The following CFAP57 variants were observed in gnomAD, a reference collection of about 807,000 sequenced individuals.
CFAP57 encodes cilia- and flagella-associated protein 57.
In CFAP57, 116 loss-of-function variants were observed where a neutral mutation model predicts 146.8. The observed-to-expected ratio is 0.79, with a 90% confidence interval of 0.68 to 0.92. The LOEUF (loss-of-function observed/expected upper bound fraction) is 0.92. CFAP57 is among the 40% of genes least tolerant of loss of function. The pLI, the probability that CFAP57 is intolerant of heterozygous loss-of-function variation, is 0.00. For missense variants in CFAP57, 1,377 were observed against 1,527.2 expected, an observed-to-expected ratio of 0.90 and a Z score of 1.64; for synonymous variants, 518 against 552.8, an observed-to-expected ratio of 0.94 and a Z score of 0.88.
rs568956203 is a variant in CFAP57 at position 43,238,869 on chromosome 1, G to A, written c.3405+4231G>A. On this transcript the variant is annotated intron_variant, in intron 21 of 22. Coordinates refer to ENST00000372492, the MANE Select transcript of CFAP57 (RefSeq NM_001378189.1). The surrounding 1 kb of genome is among the most constrained non-coding windows in gnomAD (Gnocchi z 4.3). ...GACACCAGCTCTACCACTGAGATAC[G>A]GCCTCAGTTTCCTCACAAGGTTGGT... Among the ~76,000 whole-genome samples, 176 of 152,174 alleles carry A rather than the reference G, an allele frequency of 1.2e-3. No individual in the cohort carries two copies. The highest frequency in any genetic ancestry group is 4.1e-3 in the African/African-American group (170 of 41,506).
intron 3 of CFAP57, 125 bp downstream of exon 3, chr1:43,181,975 C>A: frequency 9.0e-7 from 1 of 1,110,324 alleles, no homozygotes; most frequent in South Asian, 1.3e-5. Flanking sequence ...TTACAACAAC[C>A]GTATAAGGTA....
chr1:43,198,391 A>C lies in CFAP57; in HGVS notation c.1263-90A>C. The C allele has an allele frequency of 4.3e-6, 6 of 1,411,180 alleles. No individual in the cohort carries two copies. In the South Asian group the frequency reaches 7.2e-5, roughly 17 times the overall value. 87.4% of individuals were successfully genotyped at this position (1,411,180 alleles called of 1,614,324 possible). On this transcript the variant is annotated intron_variant, in intron 7 of 22. Coordinates refer to ENST00000372492, the MANE Select transcript of CFAP57 (RefSeq NM_001378189.1). ...TTGCAAACAGTAGTGTGTCTCAAAT[A>C]CGATGATAACAATATATATCAGATA... is the stretch of plus-strand genomic sequence containing the variant.
chr1:43,198,078 C>G (rs1643940457), intron 7 of CFAP57, among the ~76,000 whole-genome samples: 1 of 152,140 alleles, frequency 6.6e-6, no homozygotes, highest in Non-Finnish European at 1.5e-5. Flanking sequence ...ACATCACTAT[C>G]TCAACCACCC....
At chr1:43,182,411 C>G (rs983140009) in intron 3 of CFAP57, among the ~76,000 whole-genome samples, 2 of 152,110 alleles carry the variant, frequency 1.3e-5, no homozygotes, top group Admixed American at 1.3e-4. Flanking sequence ...GTTCACTCAC[C>G]CTAGTCTAGG....
At chr1:43,176,118 A>G (rs1416625161) in intron 2 of CFAP57, among the ~76,000 whole-genome samples, 3 of 152,020 alleles carry the variant, frequency 2.0e-5, no homozygotes, top group Admixed American at 1.3e-4. Flanking sequence ...TATATTCTAT[A>G]AGCAACCACC....
At chr1:43,213,510 G>T (rs896244787) in intron 11 of CFAP57, among the ~76,000 whole-genome samples, 10 of 147,508 alleles carry the variant, frequency 6.8e-5, no homozygotes, top group Admixed American at 3.3e-4. Flanking sequence ...ATATGGGGGG[G>T]GCGGTGGAGC....
chr1:43,215,993 G>A (rs1315964951), intron 12 of CFAP57, among the ~76,000 whole-genome samples: 3 of 152,152 alleles, frequency 2.0e-5, no homozygotes, highest in African/African-American at 7.2e-5. Context: ...CTTCCTTCCT[G>A]TTGATGCAGT....
chr1:43,192,308 T>C (rs994053256), intron 6 of CFAP57, among the ~76,000 whole-genome samples: 2 of 152,176 alleles, frequency 1.3e-5, no homozygotes, highest in Non-Finnish European at 2.9e-5. Flanking sequence ...TGCCTACTTG[T>C]CTTGATTGTT....
At chr1:43,243,449 A>G (rs771076236) in intron 22 of CFAP57, 90 bp downstream of exon 22, 4 of 1,356,898 alleles carry the variant, frequency 2.9e-6, no homozygotes, top group Non-Finnish European at 3.9e-6. Context: ...TTCCTTCTGT[A>G]TCAGGTCCCA....
At chr1:43,223,455 G>A (rs972758027) in intron 16 of CFAP57, among the ~76,000 whole-genome samples, 10 of 152,140 alleles carry the variant, frequency 6.6e-5, no homozygotes, top group African/African-American at 2.4e-4. Flanking sequence ...AGGGAATGGG[G>A]GTGTAGGATG....
chr1:43,175,294 A>G lies in CFAP57; in HGVS notation c.157+2384A>G, dbSNP rs142244763. Among the ~76,000 whole-genome samples the G allele has an allele frequency of 5.3e-5, 8 of 152,126 alleles. No homozygotes were observed. The East Asian group carries it at 1.5e-3, about 29-fold the overall frequency. On this transcript the variant is annotated intron_variant, in intron 2 of 22. Transcript: ENST00000372492. ...AATACACACCATATATACACACACC[A>G]TATACTATATGTACATGTATATATA... is the stretch of plus-strand genomic sequence containing the variant.
At position 43,183,595 on chromosome 1, in the gene CFAP57, G is replaced by A. The variant is rs377707658; in HGVS notation, c.479G>A (p.Ser160Asn). 3.7e-6 allele frequency: 6 copies of A among 1,614,066 alleles called. No individual in the cohort carries two copies. Among genetic ancestry groups the A allele is most frequent in the South Asian group, 3.3e-5 (3 of 91,068 alleles). The change falls in exon 4 of 23, where the codon AGC becomes AAC. Residue 160 changes from serine (S) to asparagine (N), a missense_variant. Transcript: ENST00000372492. Reference sequence around the variant, plus strand: ...CAATTCTCTCACATTTTACAGGTGAGCTTCAGTCCACAGGATAACACTCAG... The same window carrying A: ...CAATTCTCTCACATTTTACAGGTGAACTTCAGTCCACAGGATAACACTCAG... ...DTQNNPVYQV[S>N]FSPQDNTQVC... is the part of the protein sequence containing the mutation.
intron 14 of CFAP57, 56 bp downstream of exon 14, chr1:43,221,521 G>A: frequency 8.0e-7 from 1 of 1,253,470 alleles, no homozygotes; most frequent in Non-Finnish European, 1.1e-6. Context: ...AGGTTATGGG[G>A]AAACACTCAA....
intron 10 of CFAP57, among the ~76,000 whole-genome samples, chr1:43,209,304 T>C (rs570691939): frequency 4.1e-4 from 62 of 152,322 alleles, no homozygotes; most frequent in African/African-American, 1.5e-3. Context: ...CACCCATGCA[T>C]AGCAGTCAAA....
At chr1:43,190,268 T>C (rs1181818687) in intron 6 of CFAP57, among the ~76,000 whole-genome samples, 4 of 83,842 alleles carry the variant, frequency 4.8e-5, no homozygotes, top group African/African-American at 7.9e-5. Context: ...CCAGTCTCTT[T>C]TTTTTTTTTT....
Position 43,186,776 on chromosome 1 carries a change from A to C in CFAP57, c.1039A>C (p.Ser347Arg), listed in dbSNP as rs1249654088. 2 of 1,614,172 alleles carry C rather than the reference A, an allele frequency of 1.2e-6. No individual in the cohort carries two copies. The change falls in exon 6 of 23, where the codon AGC becomes CGC. Residue 347 changes from serine (S) to arginine (R), a missense_variant. Transcript: ENST00000372492. ...ACAGGACGTTCTCTGCCTGTGCTTCAGCCCCTCAGAGGAAACTCTGGTTGC... is the reference window on the plus strand; with the variant it reads ...ACAGGACGTTCTCTGCCTGTGCTTCCGCCCCTCAGAGGAAACTCTGGTTGC... ...DKQDVLCLCF[S>R]PSEETLVAST...
intron 9 of CFAP57, among the ~76,000 whole-genome samples, chr1:43,200,344 A>G (rs1644063837): frequency 6.6e-6 from 1 of 151,962 alleles, no homozygotes; most frequent in Admixed American, 6.6e-5. Context: ...AATATTAGCC[A>G]GGTGTGGTGG....
intron 18 of CFAP57, among the ~76,000 whole-genome samples, chr1:43,230,390 G>A (rs1459999472): frequency 6.6e-6 from 1 of 152,162 alleles, no homozygotes; most frequent in African/African-American, 2.4e-5. Context: ...CTCTGCATCA[G>A]GCCCTCTAAG....
intron 6 of CFAP57, 100 bp from the exon 7 acceptor site, chr1:43,197,453 C>T: frequency 6.9e-7 from 1 of 1,445,974 alleles, no homozygotes; most frequent in Non-Finnish European, 9.7e-7. Context: ...GATTTCTGTG[C>T]ACCCAGGCTA....
Sources: gnomAD v4.1 joint callset for allele counts (sites outside exome capture counted in the v4.1 genomes callset) on GRCh38, gnomAD v4.1.1 for gene constraint, Gnocchi (gnomAD v3.1) non-coding constraint, MANE v1.5 for transcripts, NCBI Gene and HGNC (gene_info 2026-07-23, HGNC 2026-07-21) for gene names.